TCF7L1: variants seen among roughly 807,000 people sequenced by gnomAD.
TCF7L1 encodes transcription factor 7-like 1.
A neutral mutation model predicts 63.7 loss-of-function variants in TCF7L1; 18 were observed. That is an observed-to-expected ratio of 0.28 (90% CI 0.20 to 0.42). The LOEUF (loss-of-function observed/expected upper bound fraction) is 0.42. Ranked by LOEUF, TCF7L1 falls within the 10% of genes least tolerant of loss-of-function variation. The pLI is 1.00. For synonymous variants in TCF7L1, 355 were observed against 340.9 expected (o/e 1.04, Z -0.46); for missense variants, 654 against 779.3 (o/e 0.84, Z 1.91).
intron 3 of TCF7L1, among the ~76,000 whole-genome samples, chr2:85,138,707 T>A (rs1438927988): frequency 6.6e-6 from 1 of 152,196 alleles, no homozygotes; most frequent in Non-Finnish European, 1.5e-5. Context: ...TGATTTGTTA[T>A]AAGTTTGGAA....
At chr2:85,271,660 A>G (rs11675489) in intron 3 of TCF7L1, among the ~76,000 whole-genome samples, 54,795 of 152,056 alleles carry the variant, frequency 0.36, 10,755 homozygotes, top group Non-Finnish European at 0.45. Flanking sequence ...TAGTCTAGTT[A>G]TTTATGTACT....
chr2:85,285,269 C>CTTA (rs1344151603), intron 4 of TCF7L1, among the ~76,000 whole-genome samples: 1 of 151,972 alleles, frequency 6.6e-6, no homozygotes, highest in African/African-American at 2.4e-5. Context: ...TCATTAAAAG[C>CTTA]TTAGAGTCTA....
chr2:85,285,520 G>A (rs1309199523), intron 4 of TCF7L1, among the ~76,000 whole-genome samples: 1 of 152,180 alleles, frequency 6.6e-6, no homozygotes, highest in Non-Finnish European at 1.5e-5. Flanking sequence ...AAGGCAGCAG[G>A]TTCTGCAGCC....
At chr2:85,152,726 C>G (rs899747087) in intron 3 of TCF7L1, among the ~76,000 whole-genome samples, 3 of 131,098 alleles carry the variant, frequency 2.3e-5, no homozygotes, top group African/African-American at 1.0e-4. Flanking sequence ...TGAGCCACCA[C>G]GTCCAGCCTA....
intron 3 of TCF7L1, among the ~76,000 whole-genome samples, chr2:85,256,240 G>T (rs541459743): frequency 6.6e-6 from 1 of 152,036 alleles, no homozygotes; most frequent in African/African-American, 2.4e-5. Flanking sequence ...TCGATGGTGC[G>T]TCCGCGCGCC....
intron 3 of TCF7L1, among the ~76,000 whole-genome samples, chr2:85,281,236 G>A (rs1160693392): frequency 6.6e-6 from 1 of 152,052 alleles, no homozygotes; most frequent in African/African-American, 2.4e-5. Flanking sequence ...TGTTGGCCAG[G>A]CTGGTCTTGA....
At chr2:85,222,408 G>A (rs1430700905) in intron 3 of TCF7L1, among the ~76,000 whole-genome samples, 1 of 150,502 alleles carries the variant, frequency 6.6e-6, no homozygotes, top group Non-Finnish European at 1.5e-5. Context: ...GGTGGTTCAC[G>A]CCTGTAATCC....
chr2:85,252,931 C>T (rs757932864), intron 3 of TCF7L1, among the ~76,000 whole-genome samples: 11 of 152,196 alleles, frequency 7.2e-5, no homozygotes, highest in Non-Finnish European at 1.2e-4. Context: ...AAAACTTGAT[C>T]TCTATTGCTT....
chr2:85,249,657 G>T (rs1680547528), intron 3 of TCF7L1, among the ~76,000 whole-genome samples: 1 of 152,102 alleles, frequency 6.6e-6, no homozygotes, highest in South Asian at 2.1e-4. Context: ...ACCCTTCCTG[G>T]TACAAAGCCT....
intron 3 of TCF7L1, among the ~76,000 whole-genome samples, chr2:85,275,781 A>G (rs1437829893): frequency 6.6e-6 from 1 of 152,104 alleles, no homozygotes; most frequent in Non-Finnish European, 1.5e-5. Flanking sequence ...TTAGCCAGGC[A>G]TGGTGGCACA....
chr2:85,185,562 C>G (rs558241202), intron 3 of TCF7L1, among the ~76,000 whole-genome samples: 62 of 152,164 alleles, frequency 4.1e-4, no homozygotes, highest in Non-Finnish European at 8.2e-4. Flanking sequence ...GCAGCCAGAG[C>G]TCCTCATGGA....
At chr2:85,234,885 G>A (rs1286979343) in intron 3 of TCF7L1, among the ~76,000 whole-genome samples, 1 of 152,178 alleles carries the variant, frequency 6.6e-6, no homozygotes. Flanking sequence ...GCAGGAGAGG[G>A]TTGCTGGGGA....
chr2:85,217,012 G>T (rs1288606491), intron 3 of TCF7L1: 1 of 152,172 alleles, frequency 6.6e-6, no homozygotes, highest in Non-Finnish European at 1.5e-5. Flanking sequence ...CCCATTCATT[G>T]TCCCTAGAAC....
intron 4 of TCF7L1, among the ~76,000 whole-genome samples, chr2:85,290,046 C>T (rs934126129): frequency 2.7e-5 from 4 of 150,046 alleles, no homozygotes; most frequent in Admixed American, 2.0e-4. Context: ...GGTGCGATCT[C>T]AGCTCACTGC....
intron 3 of TCF7L1, among the ~76,000 whole-genome samples, chr2:85,261,147 T>G (rs943335567): frequency 6.6e-6 from 1 of 151,936 alleles, no homozygotes; most frequent in East Asian, 1.9e-4. Context: ...TGTGTGTGTG[T>G]GTGTGTGTGT....
intron 11 of TCF7L1, among the ~76,000 whole-genome samples, chr2:85,308,389 CTCCCATTCTCCT>C (rs1682174187): frequency 6.8e-6 from 1 of 146,220 alleles, no homozygotes; most frequent in South Asian, 2.1e-4. Context: ...TTCACCTTCC[CTCCCATTCTCCT>C]TCCCTCCCTT....
chr2:85,262,147 C>T, intron 3 of TCF7L1: 1 of 546,356 alleles, frequency 1.8e-6, no homozygotes, highest in Non-Finnish European at 3.7e-6. Flanking sequence ...CATCTAATAA[C>T]AAGGTTCGTA....
At chr2:85,155,201 CTG>C (rs1194061142) in intron 3 of TCF7L1, among the ~76,000 whole-genome samples, 1 of 152,202 alleles carries the variant, frequency 6.6e-6, no homozygotes, top group East Asian at 1.9e-4. Context: ...GAGAACTTTT[CTG>C]TCTTACGAGA....
intron 3 of TCF7L1, among the ~76,000 whole-genome samples, chr2:85,239,956 A>C (rs1224566294): frequency 3.9e-4 from 59 of 151,930 alleles, no homozygotes; most frequent in Admixed American, 1.0e-3. Context: ...AAAAAAAAAA[A>C]AAAAACAAAA....
Sources: allele counts gnomAD v4.1 joint callset (sites outside exome capture counted in the v4.1 genomes callset), GRCh38; gene constraint gnomAD v4.1.1; transcripts MANE v1.5; gene names NCBI Gene and HGNC (gene_info 2026-07-23, HGNC 2026-07-21).